Variants in CEP68 observed in about 807,000 individuals in gnomAD.
CEP68 encodes the protein centrosomal protein of 68 kDa.
A neutral mutation model predicts 55.3 loss-of-function variants in CEP68; 26 were observed. That is an observed-to-expected ratio of 0.47 (90% confidence interval 0.34 to 0.65). CEP68 has a LOEUF of 0.65. Ranked by LOEUF, CEP68 falls within the 30% of genes least tolerant of loss-of-function variation. The probability of loss-of-function intolerance (pLI) is 0.01; values close to 1 mark genes in which losing one functional copy is unlikely to be tolerated. For missense variants in CEP68, 957 were observed against 946.7 expected (o/e 1.01, Z -0.14); for synonymous variants, 402 against 383.2 (o/e 1.05, Z -0.57).
rs1425637449 is a variant in CEP68 at position 65,087,002 on chromosome 2, C to A, written c.*3368C>A. ...AGTGAAAAATAAAAATTAAAAAAAC[C>A]TATTCATTTTTGGCTTGTGTTTAGC... On this transcript the variant is annotated 3_prime_UTR_variant, in exon 7 of 7. Coordinates refer to ENST00000377990, the MANE Select transcript of CEP68 (RefSeq NM_015147.3). 1 of 152,128 alleles carries A rather than the reference C, an allele frequency of 6.6e-6. No individual in the cohort carries two copies. The highest frequency in any genetic ancestry group is 2.4e-5 in the African/African-American group (1 of 41,366). The allele number at this position is 152,128 out of a possible 1,614,324, so 9.4% of individuals were successfully genotyped here. A position where few individuals can be genotyped will look rare whatever the true frequency, so the allele number is the denominator to read the frequency against.
intron 3 of CEP68, chr2:65,073,530 G>A (rs1285044382): frequency 4.6e-5 from 8 of 173,924 alleles, no homozygotes; most frequent in South Asian, 3.9e-4. Context: ...AGAACACTGC[G>A]TGGAATAGGG....
At chr2:65,076,452 T>A (rs1676759316) in intron 4 of CEP68, among the ~76,000 whole-genome samples, 1 of 152,212 alleles carries the variant, frequency 6.6e-6, no homozygotes, top group African/African-American at 2.4e-5. Context: ...GCCTCTTGTG[T>A]CACCCATACA....
At chr2:65,062,872 G>A (rs1430870963) in intron 1 of CEP68, among the ~76,000 whole-genome samples, 1 of 151,658 alleles carries the variant, frequency 6.6e-6, no homozygotes, top group Non-Finnish European at 1.5e-5. Flanking sequence ...GTCCTTTTTT[G>A]TTGAAAGGAG....
In CEP68 at chr2:65,073,154, C is replaced by A. The variant is rs746294736; in HGVS notation, c.1884+174C>A. The A allele has an allele frequency of 7.0e-5, 55 of 781,314 alleles. No individual in the cohort carries two copies. The Admixed American group carries it at 1.1e-3, about 16-fold the overall frequency. The allele number at this position is 781,314 out of a possible 1,614,324, so 48.4% of individuals were successfully genotyped here. A position where few individuals can be genotyped will look rare whatever the true frequency, so the allele number is the denominator to read the frequency against. On this transcript the variant is annotated intron_variant, in intron 3 of 6. Transcript: ENST00000377990. ...CAACTTTTACCAGGTAAGCACTGTT[C>A]TCATTTTACTTTTTGGAGGAAAGAG...
At position 65,071,465 on chromosome 2, in the gene CEP68, C is replaced by G. The variant is rs780816256; in HGVS notation, c.369C>G (p.Thr123=). 5 of 1,613,008 alleles carry G rather than the reference C, an allele frequency of 3.1e-6. No individual in the cohort carries two copies. Among genetic ancestry groups the G allele is most frequent in the Middle Eastern group, 1.7e-4 (1 of 6,056 alleles). Reference sequence around the variant, plus strand: ...TTTGATCATTGCAGGTGGAGAAGACCAAGCTTTCTTCCTCCGAGGAGTTCC... The same window carrying G: ...TTTGATCATTGCAGGTGGAGAAGACGAAGCTTTCTTCCTCCGAGGAGTTCC... ...LLSGESQVEK[T]KLSSSEEFPQ... Residue 123 remains threonine, a synonymous_variant, in exon 3 of 7, where the codon ACC becomes ACG. Coordinates refer to ENST00000377990, the MANE Select transcript of CEP68 (RefSeq NM_015147.3).
chr2:65,078,472 T>C lies in CEP68; in HGVS notation c.2104+508T>C, dbSNP rs144450193. The stretch of plus-strand genomic sequence containing the variant: ...AGTCAGTCTGTCCTCAGGGAACAGA[T>C]TGAATGAAGAACTGATGAGAGGGGA... On this transcript the variant is annotated intron_variant, in intron 5 of 6. Coordinates refer to ENST00000377990, the MANE Select transcript of CEP68 (RefSeq NM_015147.3). Among the ~76,000 whole-genome samples, 36 of 152,294 alleles carry C rather than the reference T, an allele frequency of 2.4e-4. 1 individual carries two copies. In the East Asian group the frequency reaches 5.2e-3, roughly 22 times the overall value.
chr2:65,083,748 A>C lies in CEP68; in HGVS notation c.*114A>C, dbSNP rs1238489317. The C allele has an allele frequency of 6.6e-6, 1 of 152,244 alleles. No homozygotes were observed. 9.4% of individuals were successfully genotyped at this position (152,244 alleles called of 1,614,324 possible). ...ATTCAACACTGAAGTCAAGGGGGAAACCTTCAATATACTAGCTTTAAAATG... is the reference window on the plus strand; with the variant it reads ...ATTCAACACTGAAGTCAAGGGGGAACCCTTCAATATACTAGCTTTAAAATG... On this transcript the variant is annotated 3_prime_UTR_variant, in exon 7 of 7. Transcript: ENST00000377990.
At position 65,071,563 on chromosome 2, in the gene CEP68, C is replaced by G. The variant is rs1173174123; in HGVS notation, c.467C>G (p.Ser156Cys). The change falls in exon 3 of 7, where the codon TCC (serine) becomes TGC (cysteine). Residue 156 changes from serine to cysteine, a missense_variant. Physicochemically the swap from Ser to Cys is moderately radical, Grantham distance 112. Transcript: ENST00000377990. Reference protein sequence around the residue: ...GHDADTEDDPSLADLPQALDL... With the variant: ...GHDADTEDDPCLADLPQALDL... ...GATGCTGATACCGAAGATGATCCATCCCTAGCAGATTTGCCCCAGGCACTG... is the reference window on the plus strand; with the variant it reads ...GATGCTGATACCGAAGATGATCCATGCCTAGCAGATTTGCCCCAGGCACTG... The G allele has an allele frequency of 6.2e-7, 1 of 1,614,220 alleles. No individual in the cohort carries two copies. The highest frequency in any genetic ancestry group is 8.5e-7 in the Non-Finnish European group (1 of 1,180,042).
rs1676524450 is a variant in CEP68, at chr2:65,072,376, T to C, written c.1280T>C (p.Ile427Thr). ...AGGGGTGCGAAGGACCGGCTGACTA[T>C]AGGCAAGCACCTTGATATGGGCTCT... The part of the protein sequence containing the change: ...ALRGAKDRLT[I>T]GKHLDMGSPQ... Residue 427 changes from isoleucine (I) to threonine (T), a missense_variant, in exon 3 of 7, where the codon ATA becomes ACA. Transcript: ENST00000377990. 1.9e-6 allele frequency: 3 copies of C among 1,613,886 alleles called. No homozygotes were observed. The South Asian group carries it at 3.3e-5, about 18-fold the overall frequency.
intron 1 of CEP68, among the ~76,000 whole-genome samples, chr2:65,056,775 G>A (rs1003673299): frequency 6.6e-6 from 1 of 152,108 alleles, no homozygotes; most frequent in African/African-American, 2.4e-5. Context: ...GTGCTGTGGC[G>A]GCCGAGGGGT....
chr2:65,077,741 A>C, intron 4 of CEP68, 127 bp from the exon 5 acceptor site: 1 of 606,426 alleles, frequency 1.6e-6, no homozygotes, highest in Non-Finnish European at 2.8e-6. Context: ...AATTCTGCAG[A>C]CCTGATGGGG....
In CEP68 at chr2:65,072,544, T is replaced by C. The variant is rs1558563251; in HGVS notation, c.1448T>C (p.Leu483Pro). ...EEEVESDDEY[L>P]ALPARLTQVS... ...GAAGTGGAAAGTGATGACGAGTATC[T>C]TGCCCTCCCCGCTCGGCTGACACAG... The change falls in exon 3 of 7, where the codon CTT becomes CCT. Residue 483 changes from leucine (L) to proline (P), a missense_variant. Physicochemically the swap from Leu to Pro is moderately conservative, Grantham distance 98. Transcript: ENST00000377990. 6.2e-7 allele frequency: 1 copy of C among 1,613,856 alleles called. No homozygotes were observed. Among genetic ancestry groups the C allele is most frequent in the African/African-American group, 1.3e-5 (1 of 74,990 alleles).
intron 4 of CEP68, chr2:65,075,359 C>T (rs528958224): frequency 4.3e-4 from 66 of 152,118 alleles, no homozygotes; most frequent in African/African-American, 1.5e-3. Flanking sequence ...GCCAAAATCA[C>T]ACCACTGCAC....
intron 3 of CEP68, 147 bp from the exon 4 acceptor site, chr2:65,074,135 G>A (rs1342184431): frequency 1.3e-5 from 11 of 839,406 alleles, no homozygotes; most frequent in South Asian, 6.7e-5. Context: ...GTACAGAGTC[G>A]TGGAGTCGGG....
intron 4 of CEP68, among the ~76,000 whole-genome samples, chr2:65,076,082 T>C (rs1558566425): frequency 6.6e-6 from 1 of 150,920 alleles, no homozygotes; most frequent in East Asian, 2.0e-4. Context: ...AACTCCACAA[T>C]GAGTTCCTCT....
intron 5 of CEP68, 30 bp downstream of exon 5, chr2:65,077,994 A>G (rs373907873): frequency 1.2e-5 from 18 of 1,543,974 alleles, no homozygotes; most frequent in Non-Finnish European, 1.4e-5. Flanking sequence ...GGATTTAGCC[A>G]GAGCTTAATC....
At position 65,085,794 on chromosome 2, in the gene CEP68, G is replaced by C. The variant is rs571825102; in HGVS notation, c.*2160G>C. ...CCACTGCACTCCAGCCTGGGCAACA[G>C]AGTGAGACTCTTGTCTCAAAAAAAA... On this transcript the variant is annotated 3_prime_UTR_variant, in exon 7 of 7. Transcript: ENST00000377990. 1 of 152,190 alleles carries C rather than the reference G, an allele frequency of 6.6e-6. No individual in the cohort carries two copies. The highest frequency in any genetic ancestry group is 1.9e-4 in the East Asian group (1 of 5,168). 9.4% of individuals were successfully genotyped at this position (152,190 alleles called of 1,614,324 possible). A position where few individuals can be genotyped will look rare whatever the true frequency, so the allele number is the denominator to read the frequency against.
intron 5 of CEP68, among the ~76,000 whole-genome samples, chr2:65,078,791 G>A (rs1676881312): frequency 6.6e-6 from 1 of 152,212 alleles, no homozygotes; most frequent in East Asian, 1.9e-4. Context: ...TGATTCGCCT[G>A]CCTCAGCCTC....
intron 5 of CEP68, among the ~76,000 whole-genome samples, chr2:65,081,615 T>C (rs914666843): frequency 2.2e-4 from 34 of 152,248 alleles, no homozygotes; most frequent in African/African-American, 8.2e-4. Flanking sequence ...ACTCTGACCC[T>C]AGCCCATCCC....
Sources: allele counts gnomAD v4.1 joint callset (sites outside exome capture counted in the v4.1 genomes callset), GRCh38; gene constraint gnomAD v4.1.1; transcripts MANE v1.5; gene names NCBI Gene and HGNC (gene_info 2026-07-23, HGNC 2026-07-21).